The following NDUFAF2 variants were observed in gnomAD, a reference collection of about 807,000 sequenced individuals.
NDUFAF2 encodes NADH dehydrogenase [ubiquinone] 1 alpha subcomplex assembly factor 2.
A neutral mutation model predicts 22.8 loss-of-function variants in NDUFAF2; 13 were observed. That is an observed-to-expected ratio of 0.57 (90% CI 0.37 to 0.91). The LOEUF is 0.91. NDUFAF2 is among the 40% of genes least tolerant of loss of function. The probability of loss-of-function intolerance (pLI) is 0.01; values close to 1 mark genes in which losing one functional copy is unlikely to be tolerated. For missense variants in NDUFAF2, 162 were observed against 195.2 expected (o/e 0.83, Z 1.01); for synonymous variants, 53 against 64.2 (o/e 0.83, Z 0.84).
intron 2 of NDUFAF2, among the ~76,000 whole-genome samples, chr5:61,082,778 G>T (rs539466497): frequency 2.0e-5 from 3 of 152,094 alleles, no homozygotes; most frequent in African/African-American, 7.2e-5. Context: ...CAATTGATGG[G>T]TATCTAAGTT....
Position 61,015,167 on chromosome 5 carries a change from T to C in NDUFAF2, c.128-57958T>C, listed in dbSNP as rs113374566. ...TCCTATTAACTCTGAAAGTAGGTCATATCTAATGGTAGAGTCTTTTAAAAA... is the reference window on the plus strand; with the variant it reads ...TCCTATTAACTCTGAAAGTAGGTCACATCTAATGGTAGAGTCTTTTAAAAA... On this transcript the variant is annotated intron_variant, in intron 1 of 3. Coordinates refer to ENST00000296597, the MANE Select transcript of NDUFAF2 (RefSeq NM_174889.5). Among the ~76,000 whole-genome samples, 361 of 152,358 alleles carry C rather than the reference T, an allele frequency of 2.4e-3. 8 individuals are homozygous for C. Among genetic ancestry groups the C allele is most frequent in the African/African-American group, 8.4e-3 (351 of 41,584 alleles).
At chr5:61,148,166 C>T (rs1174999124) in intron 3 of NDUFAF2, among the ~76,000 whole-genome samples, 1 of 152,186 alleles carries the variant, frequency 6.6e-6, no homozygotes, top group African/African-American at 2.4e-5. Context: ...CTCTATCTCT[C>T]CATAAACCAC....
chr5:61,044,362 A>G (rs1168054874), intron 1 of NDUFAF2, among the ~76,000 whole-genome samples: 2 of 151,992 alleles, frequency 1.3e-5, no homozygotes, highest in African/African-American at 2.4e-5. Context: ...GTTCAATGTA[A>G]TTCCACTTGT....
chr5:61,134,217 C>T lies in NDUFAF2; in HGVS notation c.259-18487C>T, dbSNP rs538791868. On this transcript the variant is annotated intron_variant, in intron 3 of 3. Coordinates refer to ENST00000296597, the MANE Select transcript of NDUFAF2 (RefSeq NM_174889.5). The stretch of plus-strand genomic sequence containing the variant: ...ATGTAAGGGTGGAGAAAGAGATGCA[C>T]ATGTATTTGCTTATTTTATAAAGAA... Among the ~76,000 whole-genome samples, 11 of 151,344 alleles carry T rather than the reference C, an allele frequency of 7.3e-5. No individual in the cohort carries two copies. In the South Asian group the frequency reaches 2.1e-3, roughly 29 times the overall value.
intron 1 of NDUFAF2, among the ~76,000 whole-genome samples, chr5:61,069,001 T>C (rs184043904): frequency 2.0e-5 from 3 of 152,274 alleles, no homozygotes; most frequent in African/African-American, 7.2e-5. Flanking sequence ...AATGTACAAA[T>C]TGTTTATTTA....
intron 1 of NDUFAF2, among the ~76,000 whole-genome samples, chr5:61,029,086 C>T (rs1399042950): frequency 6.6e-6 from 1 of 151,900 alleles, no homozygotes; most frequent in East Asian, 1.9e-4. Flanking sequence ...ATATCTTTAC[C>T]CACTCTGACC....
At chr5:61,110,337 G>A (rs896582331) in intron 3 of NDUFAF2, among the ~76,000 whole-genome samples, 2 of 150,512 alleles carry the variant, frequency 1.3e-5, no homozygotes, top group African/African-American at 4.9e-5. Context: ...TTGGTATATT[G>A]ACCTACTAGA....
At chr5:61,041,514 G>T (rs1751882305) in intron 1 of NDUFAF2, among the ~76,000 whole-genome samples, 1 of 152,102 alleles carries the variant, frequency 6.6e-6, no homozygotes, top group Admixed American at 6.5e-5. Flanking sequence ...GAGATTGTAG[G>T]TAAGAAATAT....
At position 61,099,045 on chromosome 5, in the gene NDUFAF2, A is replaced by AAGG; in HGVS notation, c.258+18_258+20dup. 1 of 1,584,750 alleles carries AAGG rather than the reference A, an allele frequency of 6.3e-7. No homozygotes were observed. Among genetic ancestry groups the AAGG allele is most frequent in the Non-Finnish European group, 8.6e-7 (1 of 1,157,024 alleles). ...ACCTACTATGGAGGTAAGACTACAC[A>AAGG]AGGAGGATATCATTTAGGAGTATAT... is the stretch of plus-strand genomic sequence containing the variant. On this transcript the variant is annotated intron_variant, in intron 3 of 3. Transcript: ENST00000296597.
chr5:61,149,732 T>G (rs1400761967), intron 3 of NDUFAF2, among the ~76,000 whole-genome samples: 1 of 152,218 alleles, frequency 6.6e-6, no homozygotes, highest in Non-Finnish European at 1.5e-5. Flanking sequence ...AAACATACTG[T>G]TATTTGATAA....
intron 3 of NDUFAF2, among the ~76,000 whole-genome samples, chr5:61,100,536 TACAC>T (rs10543246): frequency 0.77 from 115,407 of 149,662 alleles, 45,122 homozygotes; most frequent in East Asian, 0.98. Context: ...CCCTCCCTAA[TACAC>T]ACACACACAC....
rs538284105 is a variant in NDUFAF2 at position 61,063,469 on chromosome 5, C to T, written c.128-9656C>T. ...CCATGTTCATGCCACTGCACTCCAG[C>T]CAGGAGTTTGGGTGATAGAGCAAGA... On this transcript the variant is annotated intron_variant, in intron 1 of 3. Coordinates refer to ENST00000296597, the MANE Select transcript of NDUFAF2 (RefSeq NM_174889.5). Among the ~76,000 whole-genome samples, 3 of 152,098 alleles carry T rather than the reference C, an allele frequency of 2.0e-5. No individual in the cohort carries two copies. The East Asian group carries it at 5.8e-4, about 29-fold the overall frequency.
At chr5:61,123,592 C>G (rs1753001396) in intron 3 of NDUFAF2, among the ~76,000 whole-genome samples, 1 of 152,160 alleles carries the variant, frequency 6.6e-6, no homozygotes. Context: ...TACTTTGTAA[C>G]CGTAGTGCAC....
At chr5:61,023,055 T>A (rs947515242) in intron 1 of NDUFAF2, among the ~76,000 whole-genome samples, 1 of 152,188 alleles carries the variant, frequency 6.6e-6, no homozygotes, top group African/African-American at 2.4e-5. Flanking sequence ...GGGATTCATG[T>A]GGCTCATCAG....
Position 61,152,733 on chromosome 5 carries a change from A to G in NDUFAF2, c.288A>G (p.Glu96=). ...TACTAAAGAATGAAAAACACAGAGA[A>G]GAAATCAAAATAAAAAGCCAAGATT... ...EEILKNEKHR[E]EIKIKSQDFY... Residue 96 remains glutamate (E), a synonymous_variant, in exon 4 of 4, where the codon GAA becomes GAG. Transcript: ENST00000296597. 2 of 1,579,712 alleles carry G rather than the reference A, an allele frequency of 1.3e-6. No homozygotes were observed. The highest frequency in any genetic ancestry group is 1.7e-6 in the Non-Finnish European group (2 of 1,162,658).
intron 1 of NDUFAF2, among the ~76,000 whole-genome samples, chr5:61,070,845 T>C (rs1002644418): frequency 6.6e-6 from 1 of 152,126 alleles, no homozygotes; most frequent in African/African-American, 2.4e-5. Context: ...TTTAAAAACT[T>C]ATAGACCATA....
At chr5:61,144,777 G>C (rs1741113799) in intron 3 of NDUFAF2, among the ~76,000 whole-genome samples, 1 of 152,122 alleles carries the variant, frequency 6.6e-6, no homozygotes, top group African/African-American at 2.4e-5. Context: ...AGATATTAGA[G>C]TGCATTTCCA....
chr5:61,010,980 A>G (rs1751435797), intron 1 of NDUFAF2, among the ~76,000 whole-genome samples: 1 of 151,976 alleles, frequency 6.6e-6, no homozygotes, highest in South Asian at 2.1e-4. Flanking sequence ...GGGTCATGAG[A>G]TGGCGCTGTA....
At chr5:61,086,235 A>G (rs188176519) in intron 2 of NDUFAF2, among the ~76,000 whole-genome samples, 1 of 152,306 alleles carries the variant, frequency 6.6e-6, no homozygotes, top group East Asian at 1.9e-4. Flanking sequence ...TATTTAAAAG[A>G]CAGTATTTCC....
Sources: allele counts gnomAD v4.1 joint callset (sites outside exome capture counted in the v4.1 genomes callset), GRCh38; gene constraint gnomAD v4.1.1; transcripts MANE v1.5; gene names NCBI Gene and HGNC (gene_info 2026-07-23, HGNC 2026-07-21).